The following FAM193A variants were observed in gnomAD, a reference collection of about 807,000 sequenced individuals.
FAM193A encodes the protein protein FAM193A.
A neutral mutation model predicts 126.5 loss-of-function variants in FAM193A; 22 were observed. The ratio of observed to expected loss-of-function variants is 0.17; its 90% CI spans 0.12 to 0.25. FAM193A has a LOEUF of 0.25. FAM193A is among the 10% of genes least tolerant of loss of function. FAM193A has a pLI of 1.00. For synonymous variants in FAM193A, 761 were observed against 646.8 expected (o/e 1.18, Z -2.68); for missense variants, 1,675 against 1,672.8 (o/e 1.00, Z -0.02).
At chr4:2,669,715 C>T (rs1713574678) in intron 12 of FAM193A, among the ~76,000 whole-genome samples, 1 of 152,210 alleles carries the variant, frequency 6.6e-6, no homozygotes, top group Non-Finnish European at 1.5e-5. Flanking sequence ...CCAGGGTCCC[C>T]ACACACAGCC....
rs761691307 is a variant in FAM193A, at chr4:2,684,510, G to T, written c.2332-4996G>T. 1.3e-3 allele frequency among the ~76,000 whole-genome samples: 198 copies of T among 151,640 alleles called. 3 individuals carry two copies. The highest frequency in any genetic ancestry group is 4.1e-4 in the Non-Finnish European group (28 of 67,952). On this transcript the variant is annotated intron_variant, in intron 13 of 20. Coordinates refer to ENST00000637812, the MANE Select transcript of FAM193A (RefSeq NM_001366318.2). Reference sequence around the variant, plus strand: ...TGAGCATCCAGATTCGTTTTCTGCTGATATCACCTGTGATGTATTATTTCC... The same window carrying T: ...TGAGCATCCAGATTCGTTTTCTGCTTATATCACCTGTGATGTATTATTTCC...
At chr4:2,593,524 T>C (rs1740685060) in intron 1 of FAM193A, among the ~76,000 whole-genome samples, 1 of 152,238 alleles carries the variant, frequency 6.6e-6, no homozygotes, top group Non-Finnish European at 1.5e-5. Context: ...AGTTAATTTT[T>C]TCATGTATTT....
chr4:2,551,308 A>G (rs1310946598), intron 1 of FAM193A, among the ~76,000 whole-genome samples: 1 of 152,194 alleles, frequency 6.6e-6, no homozygotes, highest in Non-Finnish European at 1.5e-5. Context: ...CATTATGCTG[A>G]TTTAGCACAC....
At chr4:2,673,655 AT>A (rs11304622) in intron 13 of FAM193A, among the ~76,000 whole-genome samples, 4,561 of 152,104 alleles carry the variant, frequency 0.03, 207 homozygotes, top group African/African-American at 0.1. Flanking sequence ...TTGTAGCCTG[AT>A]TTTCTCTGGG....
intron 20 of FAM193A, among the ~76,000 whole-genome samples, chr4:2,730,265 G>A (rs953775644): frequency 2.0e-5 from 3 of 152,188 alleles, no homozygotes; most frequent in Non-Finnish European, 2.9e-5. Context: ...CAAGAATGTT[G>A]ACTATTTGCC....
At chr4:2,661,202 G>T (rs930220150) in intron 10 of FAM193A, among the ~76,000 whole-genome samples, 5 of 152,150 alleles carry the variant, frequency 3.3e-5, no homozygotes, top group Non-Finnish European at 7.4e-5. Context: ...TAGGTTCTCG[G>T]GACATCTGGG....
At chr4:2,683,073 C>G (rs1284062295) in intron 13 of FAM193A, among the ~76,000 whole-genome samples, 1 of 152,152 alleles carries the variant, frequency 6.6e-6, no homozygotes, top group Non-Finnish European at 1.5e-5. Context: ...CTTTATTTCT[C>G]CTTCACTTTT....
At chr4:2,698,280 G>T (rs1717272046) in intron 18 of FAM193A, among the ~76,000 whole-genome samples, 1 of 152,208 alleles carries the variant, frequency 6.6e-6, no homozygotes, top group Non-Finnish European at 1.5e-5. Flanking sequence ...TATTGACAAG[G>T]CACGTGTGCT....
chr4:2,710,846 GCTTT>G (rs1364991893), intron 19 of FAM193A, among the ~76,000 whole-genome samples: 2 of 124,848 alleles, frequency 1.6e-5, no homozygotes, highest in Non-Finnish European at 3.3e-5. Context: ...TTCTTTCTGT[GCTTT>G]CTTTTTTTTT....
At chr4:2,613,927 A>G (rs2108949396) in intron 2 of FAM193A, among the ~76,000 whole-genome samples, 1 of 151,694 alleles carries the variant, frequency 6.6e-6, no homozygotes, top group Non-Finnish European at 1.5e-5. Flanking sequence ...GGTGCGTACC[A>G]CCATGCCCAG....
chr4:2,681,220 C>CT (rs536490583), intron 13 of FAM193A, among the ~76,000 whole-genome samples: 29 of 148,556 alleles, frequency 2.0e-4, no homozygotes, highest in East Asian at 1.2e-3. Flanking sequence ...TAATTTGAGT[C>CT]TTTTTTTTTT....
chr4:2,653,548 A>G (rs528483959), intron 7 of FAM193A, among the ~76,000 whole-genome samples: 2 of 151,870 alleles, frequency 1.3e-5, no homozygotes, highest in Admixed American at 6.6e-5. Flanking sequence ...GGTTCAAGCA[A>G]TTCTCCTGCC....
In FAM193A at chr4:2,657,812, A is replaced by G. The variant is rs140390310; in HGVS notation, c.1321A>G (p.Lys441Glu). The change falls in exon 8 of 21, where the codon AAA (lysine) becomes GAA (glutamate). Residue 441 changes from lysine (K) to glutamate (E), a missense_variant. Lys to Glu is a moderately conservative substitution (Grantham distance 56). This residue lies in a region of FAM193A where 1,186 missense variants were observed against 1,109.2 expected (regional missense o/e 1.07). Transcript: ENST00000637812. ...DAYVDEQMTM[K>E]TKQRMLTEDW... The stretch of plus-strand genomic sequence containing the variant: ...TACATCCCCTTACTAGATGACAATG[A>G]AAACCAAGCAGCGCATGTTAACAGA... 50 of 1,609,476 alleles carry G rather than the reference A, an allele frequency of 3.1e-5. No individual in the cohort carries two copies. Among genetic ancestry groups the G allele is most frequent in the Middle Eastern group, 3.3e-4 (2 of 6,074 alleles).
chr4:2,704,603 C>G (rs979224901), intron 19 of FAM193A, among the ~76,000 whole-genome samples: 1 of 151,992 alleles, frequency 6.6e-6, no homozygotes, highest in African/African-American at 2.4e-5. Flanking sequence ...AAGGTAAGTG[C>G]TTTCATAGTT....
intron 1 of FAM193A, among the ~76,000 whole-genome samples, chr4:2,558,291 AAG>A (rs1312086630): frequency 6.6e-6 from 1 of 152,076 alleles, no homozygotes; most frequent in Non-Finnish European, 1.5e-5. Context: ...AAAAAAAGGA[AAG>A]AAAAAAATAG....
Position 2,732,096 on chromosome 4 carries a change from T to A in FAM193A, c.*228T>A. 1.8e-6 allele frequency: 1 copy of A among 562,466 alleles called. No individual in the cohort carries two copies. Among genetic ancestry groups the A allele is most frequent in the Non-Finnish European group, 3.2e-6 (1 of 311,850 alleles). The allele number at this position is 562,466 out of a possible 1,614,324, so 34.8% of individuals were successfully genotyped here. ...TCGATTGTAGCTCTGTGCTGTCGGA[T>A]TGGAACAGTAGTTCCCGCCAAGTCC... On this transcript the variant is annotated 3_prime_UTR_variant, in exon 21 of 21. Coordinates refer to ENST00000637812, the MANE Select transcript of FAM193A (RefSeq NM_001366318.2).
chr4:2,719,268 C>CAATG (rs1719856582), intron 20 of FAM193A, among the ~76,000 whole-genome samples: 1 of 152,096 alleles, frequency 6.6e-6, no homozygotes, highest in South Asian at 2.1e-4. Context: ...TGAGATCACG[C>CAATG]CATTGAACTC....
chr4:2,540,790 A>G (rs1737185565), intron 1 of FAM193A, among the ~76,000 whole-genome samples: 2 of 151,426 alleles, frequency 1.3e-5, no homozygotes, highest in Admixed American at 6.6e-5. Context: ...ATGAAACCCC[A>G]TCTCTACTAA....
chr4:2,547,378 A>AG lies in FAM193A; in HGVS notation c.255+10209dup, dbSNP rs769040444. Among the ~76,000 whole-genome samples, 22 of 152,038 alleles carry AG rather than the reference A, an allele frequency of 1.4e-4. 1 individual carries two copies. Among genetic ancestry groups the AG allele is most frequent in the Admixed American group, 3.9e-4 (6 of 15,238 alleles). On this transcript the variant is annotated intron_variant, in intron 1 of 20. Coordinates refer to ENST00000637812, the MANE Select transcript of FAM193A (RefSeq NM_001366318.2). Reference sequence around the variant, plus strand: ...ACTGCACTCCAGCCTGGGCAACAAGAGCGAGATTCTTGTCTCAAAAAATAA... The same window carrying AG: ...ACTGCACTCCAGCCTGGGCAACAAGAGGCGAGATTCTTGTCTCAAAAAATAA...
Sources: allele counts gnomAD v4.1 joint callset (sites outside exome capture counted in the v4.1 genomes callset), GRCh38; gene constraint gnomAD v4.1.1; regional missense constraint gnomAD v4.1.1; transcripts MANE v1.5; gene names NCBI Gene and HGNC (gene_info 2026-07-23, HGNC 2026-07-21).